BMPER: variants seen among roughly 807,000 people sequenced by gnomAD.
BMPER encodes the protein BMP-binding endothelial regulator protein.
BMPER carries 45 observed loss-of-function variants against 87.3 expected under a neutral mutation model. That is an observed-to-expected ratio of 0.52 (90% CI 0.41 to 0.66). The LOEUF (loss-of-function observed/expected upper bound fraction) is 0.66, where lower values mean the gene tolerates loss of function less well. Ranked by LOEUF, BMPER falls within the 30% of genes least tolerant of loss-of-function variation. The pLI is 0.00. For synonymous variants in BMPER, 326 were observed against 316.2 expected, an observed-to-expected ratio of 1.03 and a Z score of -0.33; for missense variants, 784 against 867.5, an observed-to-expected ratio of 0.90 and a Z score of 1.21.
intron 14 of BMPER, among the ~76,000 whole-genome samples, chr7:34,147,025 C>G (rs1292336290): frequency 1.3e-5 from 2 of 152,198 alleles, no homozygotes; most frequent in Non-Finnish European, 2.9e-5. Flanking sequence ...ATAACTGATA[C>G]TAATTGTCAC....
Position 34,155,142 on chromosome 7 carries a change from A to G in BMPER, c.*1869A>G, listed in dbSNP as rs1791279381. On this transcript the variant is annotated 3_prime_UTR_variant, in exon 15 of 15. Coordinates refer to ENST00000649409, the MANE Select transcript of BMPER (RefSeq NM_001365308.1). ...TGGGAGGCACTGAGGGTTTGCAAATACTTTCCTACTTGTAATCTCATTGAT... is the reference window on the plus strand; with the variant it reads ...TGGGAGGCACTGAGGGTTTGCAAATGCTTTCCTACTTGTAATCTCATTGAT... 1 of 152,196 alleles carries G rather than the reference A, an allele frequency of 6.6e-6. No homozygotes were observed. Among genetic ancestry groups the G allele is most frequent in the African/African-American group, 2.4e-5 (1 of 41,440 alleles). 9.4% of individuals were successfully genotyped at this position (152,196 alleles called of 1,614,324 possible).
chr7:34,027,968 C>T (rs1006595494), intron 6 of BMPER, among the ~76,000 whole-genome samples: 4 of 151,948 alleles, frequency 2.6e-5, no homozygotes, highest in East Asian at 1.9e-4. Flanking sequence ...AAAAATAATG[C>T]ATGGGTAGAA....
In BMPER at chr7:34,085,982, G is replaced by A; in HGVS notation, c.1635G>A (p.Leu545=). The A allele has an allele frequency of 6.2e-7, 1 of 1,614,148 alleles. No individual in the cohort carries two copies. Among genetic ancestry groups the A allele is most frequent in the Non-Finnish European group, 8.5e-7 (1 of 1,180,032 alleles). ...CTCAGAGAAAGCCAGTGCCTGAACT[G>A]TGTCAAGGGACAGTCAAGGTAAAGC... ...NRPQRKPVPE[L]CQGTVKVKLR... Residue 545 remains leucine (L), a synonymous_variant, in exon 13 of 15, where the codon CTG becomes CTA. Transcript: ENST00000649409.
intron 11 of BMPER, among the ~76,000 whole-genome samples, chr7:34,078,151 G>T (rs567518110): frequency 7.2e-5 from 11 of 152,244 alleles, no homozygotes; most frequent in Non-Finnish European, 1.5e-4. Flanking sequence ...TCAGAATGAT[G>T]ACTTTACTGG....
At chr7:34,011,926 G>GA (rs1786893767) in intron 6 of BMPER, among the ~76,000 whole-genome samples, 1 of 151,804 alleles carries the variant, frequency 6.6e-6, no homozygotes, top group Non-Finnish European at 1.5e-5. Context: ...GCATTTAATT[G>GA]AAAAGAAAAA....
At chr7:33,932,332 C>T (rs907311873) in intron 2 of BMPER, among the ~76,000 whole-genome samples, 4 of 152,252 alleles carry the variant, frequency 2.6e-5, no homozygotes, top group African/African-American at 9.6e-5. Flanking sequence ...CTGTGTGCTT[C>T]ATTGACATAT....
intron 12 of BMPER, among the ~76,000 whole-genome samples, chr7:34,084,329 C>T (rs976712789): frequency 3.9e-5 from 6 of 152,112 alleles, no homozygotes; most frequent in Non-Finnish European, 5.9e-5. Context: ...CATGGCCACA[C>T]GGGGTAAGTG....
chr7:33,926,219 G>A (rs1318139845), intron 2 of BMPER, among the ~76,000 whole-genome samples: 1 of 152,142 alleles, frequency 6.6e-6, no homozygotes, highest in South Asian at 2.1e-4. Flanking sequence ...GTGTATTTTT[G>A]GTCAGATAGA....
intron 13 of BMPER, among the ~76,000 whole-genome samples, chr7:34,121,919 A>G (rs1197032315): frequency 6.6e-6 from 1 of 151,908 alleles, no homozygotes; most frequent in Non-Finnish European, 1.5e-5. Flanking sequence ...CCAGGAGTTC[A>G]AGAGCAGCCT....
chr7:33,948,800 A>G (rs1784950539), intron 3 of BMPER, among the ~76,000 whole-genome samples: 1 of 152,216 alleles, frequency 6.6e-6, no homozygotes, highest in African/African-American at 2.4e-5. Context: ...TCTTTTCTTT[A>G]TAAACTACCC....
chr7:33,960,839 A>AT (rs1393509716), intron 3 of BMPER, among the ~76,000 whole-genome samples: 2 of 152,156 alleles, frequency 1.3e-5, no homozygotes, highest in Non-Finnish European at 2.9e-5. Context: ...GGTGCCTAGT[A>AT]TTTTTTACCA....
chr7:33,994,230 C>A (rs1786327569), intron 6 of BMPER, among the ~76,000 whole-genome samples: 1 of 152,232 alleles, frequency 6.6e-6, no homozygotes, highest in African/African-American at 2.4e-5. Context: ...TCGCTGCCGC[C>A]TTGCAGTGTG....
Position 34,065,902 on chromosome 7 carries a change from C to T in BMPER, c.1078+3855C>T, listed in dbSNP as rs114132587. Among the ~76,000 whole-genome samples the T allele has an allele frequency of 4.9e-3, 741 of 152,310 alleles. 5 individuals carry two copies. Among genetic ancestry groups the T allele is most frequent in the African/African-American group, 0.017 (711 of 41,564 alleles). ...TCTCTGAAAGGAGGCAAGAATACCT[C>T]CATGCACACATACATGCATACGTCA... is the stretch of plus-strand genomic sequence containing the variant. On this transcript the variant is annotated intron_variant, in intron 11 of 14. Coordinates refer to ENST00000649409, the MANE Select transcript of BMPER (RefSeq NM_001365308.1).
intron 13 of BMPER, among the ~76,000 whole-genome samples, chr7:34,121,027 A>T (rs1161190104): frequency 6.6e-6 from 1 of 150,770 alleles, no homozygotes; most frequent in East Asian, 1.9e-4. Context: ...TATTTAATAT[A>T]TTATTTAATT....
intron 7 of BMPER, among the ~76,000 whole-genome samples, chr7:34,048,730 A>G (rs1376755575): frequency 6.6e-6 from 1 of 152,216 alleles, no homozygotes; most frequent in Non-Finnish European, 1.5e-5. Flanking sequence ...ATTTATGGTT[A>G]TAAGGCATAC....
chr7:34,074,028 A>G (rs899086148), intron 11 of BMPER, among the ~76,000 whole-genome samples: 2 of 152,210 alleles, frequency 1.3e-5, no homozygotes, highest in African/African-American at 4.8e-5. Context: ...TGTGTTTTAG[A>G]TGAGATCTTG....
intron 3 of BMPER, among the ~76,000 whole-genome samples, chr7:33,965,842 C>A (rs1484806439): frequency 1.4e-5 from 2 of 138,158 alleles, no homozygotes; most frequent in South Asian, 2.7e-4. Flanking sequence ...TCTGTTTTTG[C>A]CAATGAATAA....
intron 11 of BMPER, among the ~76,000 whole-genome samples, chr7:34,074,274 C>A (rs1788807395): frequency 6.6e-6 from 1 of 152,204 alleles, no homozygotes; most frequent in Non-Finnish European, 1.5e-5. Context: ...GATTGTTTCC[C>A]ATTTAAGAGG....
chr7:33,937,513 GGTGTGTGTGT>G, intron 3 of BMPER, 125 bp downstream of exon 3: 1 of 733,600 alleles, frequency 1.4e-6, no homozygotes, highest in South Asian at 1.6e-5. Flanking sequence ...GGAGAAGTAG[GGTGTGTGTGT>G]GTGTGTGTGT....
Sources: gnomAD v4.1 joint callset for allele counts (sites outside exome capture counted in the v4.1 genomes callset) on GRCh38, gnomAD v4.1.1 for gene constraint, MANE v1.5 for transcripts, NCBI Gene and HGNC (gene_info 2026-07-23, HGNC 2026-07-21) for gene names.